The following HCN1 variants were observed in gnomAD, a reference collection of about 807,000 sequenced individuals.
HCN1 encodes hyperpolarization activated cyclic nucleotide gated potassium channel 1, also known as potassium/sodium hyperpolarization-activated cyclic nucleotide-gated channel 1.
A neutral mutation model predicts 78.9 loss-of-function variants in HCN1; 13 were observed. The ratio of observed to expected loss-of-function variants is 0.16; its 90% CI spans 0.11 to 0.26. HCN1 has a LOEUF of 0.26. HCN1 is among the 10% of genes least tolerant of loss of function. HCN1 has a pLI of 1.00. For missense variants in HCN1, 810 were observed against 1,154.3 expected, an observed-to-expected ratio of 0.70 and a Z score of 4.32; for synonymous variants, 552 against 455.5, an observed-to-expected ratio of 1.21 and a Z score of -2.70.
chr5:45,547,998 C>T (rs559750521), intron 2 of HCN1, among the ~76,000 whole-genome samples: 1 of 151,814 alleles, frequency 6.6e-6, no homozygotes, highest in Non-Finnish European at 1.5e-5. Context: ...TACATCATAT[C>T]TTTTCCTTTG....
At chr5:45,580,386 T>C (rs1268977408) in intron 2 of HCN1, among the ~76,000 whole-genome samples, 1 of 151,994 alleles carries the variant, frequency 6.6e-6, no homozygotes, top group East Asian at 1.9e-4. Flanking sequence ...CCAAGGAATG[T>C]GGTGGCCTCT....
intron 4 of HCN1, among the ~76,000 whole-genome samples, chr5:45,374,812 A>G (rs895757617): frequency 2.7e-5 from 4 of 147,718 alleles, no homozygotes; most frequent in African/African-American, 7.4e-5. Context: ...ATAAAACCAT[A>G]TATATGTAGA....
intron 2 of HCN1, among the ~76,000 whole-genome samples, chr5:45,616,984 A>G (rs1215578186): frequency 6.6e-6 from 1 of 152,072 alleles, no homozygotes; most frequent in African/African-American, 2.4e-5. Flanking sequence ...GTCTGTGGAA[A>G]TGTTGTTATC....
intron 6 of HCN1, among the ~76,000 whole-genome samples, chr5:45,281,237 C>T (rs775495280): frequency 2.0e-5 from 3 of 151,814 alleles, no homozygotes; most frequent in Non-Finnish European, 4.4e-5. Flanking sequence ...GGGTGGATTT[C>T]CCCCTTGCTG....
rs1739810634 is a variant in HCN1 at position 45,686,419 on chromosome 5, A to G, written c.425+9250T>C. On this transcript the variant is annotated intron_variant, in intron 1 of 7. Coordinates refer to ENST00000303230, the MANE Select transcript of HCN1 (RefSeq NM_021072.4). ...TTTTAAATACTATTCATTAGCTGCC[A>G]ACTGTGGAACACAAGGACTTAGCTT... 2.0e-5 allele frequency among the ~76,000 whole-genome samples: 3 copies of G among 152,326 alleles called. No homozygotes were observed. The South Asian group carries it at 6.2e-4, about 32-fold the overall frequency.
At chr5:45,273,215 G>T (rs1442969599) in intron 6 of HCN1, among the ~76,000 whole-genome samples, 1 of 151,796 alleles carries the variant, frequency 6.6e-6, no homozygotes, top group Non-Finnish European at 1.5e-5. Context: ...ACCTAGTTAA[G>T]ATGAAAACTA....
chr5:45,459,632 T>C (rs1224100659), intron 3 of HCN1, among the ~76,000 whole-genome samples: 1 of 152,248 alleles, frequency 6.6e-6, no homozygotes, highest in Non-Finnish European at 1.5e-5. Context: ...TATTAAGTAG[T>C]ATATTGCCTT....
In HCN1 at chr5:45,695,652, C is replaced by T; in HGVS notation, c.425+17G>A. ...CGCGCCTGAAGGGAGGGTGGGGCGG[C>T]GACCGGGAGCCCTCACCTGAAATCA... On this transcript the variant is annotated intron_variant, in intron 1 of 7. Coordinates refer to ENST00000303230, the MANE Select transcript of HCN1 (RefSeq NM_021072.4). The T allele has an allele frequency of 6.2e-7, 1 of 1,608,674 alleles. No homozygotes were observed. Among genetic ancestry groups the T allele is most frequent in the Non-Finnish European group, 8.5e-7 (1 of 1,177,872 alleles).
chr5:45,484,326 T>TA, intron 2 of HCN1, among the ~76,000 whole-genome samples: 1 of 152,114 alleles, frequency 6.6e-6, no homozygotes, highest in East Asian at 1.9e-4. Flanking sequence ...TCCCAGCTAC[T>TA]TGGAGGCTGG....
intron 2 of HCN1, among the ~76,000 whole-genome samples, chr5:45,503,473 A>G (rs187468771): frequency 7.2e-4 from 110 of 152,314 alleles, no homozygotes; most frequent in Middle Eastern, 3.4e-3. Context: ...TTTAAAATGT[A>G]TCTTTAATTC....
intron 4 of HCN1, among the ~76,000 whole-genome samples, chr5:45,378,373 T>C (rs1012191121): frequency 1.3e-5 from 2 of 152,090 alleles, no homozygotes; most frequent in African/African-American, 4.8e-5. Context: ...TAACTCTAGA[T>C]AAAGAGGCAT....
chr5:45,398,153 A>G (rs1167423423), intron 3 of HCN1, among the ~76,000 whole-genome samples: 1 of 152,034 alleles, frequency 6.6e-6, no homozygotes, highest in African/African-American at 2.4e-5. Flanking sequence ...CAACTTTTCA[A>G]TAAATATTTA....
chr5:45,373,112 A>T (rs1385600420), intron 4 of HCN1, among the ~76,000 whole-genome samples: 1 of 131,296 alleles, frequency 7.6e-6, no homozygotes, highest in South Asian at 2.2e-4. Flanking sequence ...AAATACATAT[A>T]GTATATCATA....
chr5:45,536,540 A>G (rs897949052), intron 2 of HCN1, among the ~76,000 whole-genome samples: 2 of 151,934 alleles, frequency 1.3e-5, no homozygotes, highest in Non-Finnish European at 2.9e-5. Context: ...TTCATGGCTT[A>G]TATTTCTTTG....
intron 2 of HCN1, among the ~76,000 whole-genome samples, chr5:45,591,076 T>C (rs1744349848): frequency 6.6e-6 from 1 of 152,044 alleles, no homozygotes; most frequent in East Asian, 1.9e-4. Context: ...AGCACTGAGA[T>C]TGCAGGCATG....
chr5:45,677,962 C>T (rs1739619350), intron 1 of HCN1, among the ~76,000 whole-genome samples: 2 of 149,958 alleles, frequency 1.3e-5, no homozygotes, highest in Non-Finnish European at 3.0e-5. Flanking sequence ...CTCATCTTTC[C>T]AAAGATTAAA....
intron 5 of HCN1, among the ~76,000 whole-genome samples, chr5:45,324,943 G>C (rs1402088921): frequency 1.3e-5 from 2 of 151,782 alleles, no homozygotes; most frequent in African/African-American, 2.4e-5. Context: ...CTTTGGAGCA[G>C]TCCTTAGTGC....
chr5:45,499,313 G>A (rs1742136643), intron 2 of HCN1, among the ~76,000 whole-genome samples: 1 of 152,164 alleles, frequency 6.6e-6, no homozygotes, highest in African/African-American at 2.4e-5. Context: ...TAAGACGGTT[G>A]GAAAAGCGTA....
Position 45,255,417 on chromosome 5 carries a change from G to A in HCN1, c.*6504C>T, listed in dbSNP as rs1744587370. 1 of 152,168 alleles carries A rather than the reference G, an allele frequency of 6.6e-6. No homozygotes were observed. Among genetic ancestry groups the A allele is most frequent in the Non-Finnish European group, 1.5e-5 (1 of 68,038 alleles). 9.4% of individuals were successfully genotyped at this position (152,168 alleles called of 1,614,324 possible). ...ATATTAATACACATATGAATCATCT[G>A]GGGATCTTGCCCAAAAGCGGACTTC... is the stretch of plus-strand genomic sequence containing the variant. On this transcript the variant is annotated 3_prime_UTR_variant, in exon 8 of 8. Transcript: ENST00000303230.
Sources: gnomAD v4.1 joint callset for allele counts (sites outside exome capture counted in the v4.1 genomes callset) on GRCh38, gnomAD v4.1.1 for gene constraint, MANE v1.5 for transcripts, NCBI Gene and HGNC (gene_info 2026-07-23, HGNC 2026-07-21) for gene names.